CDX2: variants seen among roughly 807,000 people sequenced by gnomAD.
The protein encoded by CDX2 is homeobox protein CDX-2.
A neutral mutation model predicts 25.5 loss-of-function variants in CDX2; 7 were observed. The ratio of observed to expected loss-of-function variants is 0.27; its 90% CI spans 0.16 to 0.52. CDX2 has a LOEUF of 0.52. Ranked by LOEUF, CDX2 falls within the 20% of genes least tolerant of loss-of-function variation. The pLI, the probability that CDX2 is intolerant of heterozygous loss-of-function variation, is 0.97. For synonymous variants in CDX2, 222 were observed against 198.6 expected (o/e 1.12, Z -0.99); for missense variants, 375 against 431.4 (o/e 0.87, Z 1.16).
intron 1 of CDX2, among the ~76,000 whole-genome samples, chr13:27,967,529 C>G (rs1256992131): frequency 6.6e-6 from 1 of 152,222 alleles, no homozygotes; most frequent in Non-Finnish European, 1.5e-5. Flanking sequence ...CTCTCCCCAC[C>G]GCACTTCCTT....
chr13:27,969,071 G>A lies in CDX2; in HGVS notation c.-65C>T. 1.5e-6 allele frequency: 2 copies of A among 1,299,236 alleles called. No individual in the cohort carries two copies. Among genetic ancestry groups the A allele is most frequent in the East Asian group, 2.5e-5 (1 of 39,696 alleles). 80.5% of individuals were successfully genotyped at this position (1,299,236 alleles called of 1,614,324 possible). A position where few individuals can be genotyped will look rare whatever the true frequency, so the allele number is the denominator to read the frequency against. On this transcript the variant is annotated 5_prime_UTR_variant, in exon 1 of 3. Transcript: ENST00000381020. ...GGGGACCGACGCTGGAGGCTGCCGG[G>A]GGGCACGAAGGGAAAGGGGCGAGGG...
rs1566034473 is a variant in CDX2 at position 27,961,207 on chromosome 13, C to T, written c.*1908G>A. Among the ~76,000 whole-genome samples, 1 of 152,258 alleles carries T rather than the reference C, an allele frequency of 6.6e-6. No homozygotes were observed. The stretch of plus-strand genomic sequence containing the variant: ...GGCCACCGGAGCCCCTTTCCCAATC[C>T]TGGAGCTGTATACGCCACCCGGAAG... On this transcript the variant is annotated 3_prime_UTR_variant, in exon 3 of 3. Transcript: ENST00000381020.
intron 1 of CDX2, 117 bp from the exon 2 acceptor site, chr13:27,965,132 G>T: frequency 1.8e-6 from 2 of 1,136,114 alleles, no homozygotes; most frequent in Non-Finnish European, 1.3e-6. Context: ...TGGGGGGCCC[G>T]GGTTTGGCTG....
In CDX2 at chr13:27,968,506, C is replaced by T; in HGVS notation, c.501G>A (p.Glu167=). 6.4e-7 allele frequency: 1 copy of T among 1,564,958 alleles called. No homozygotes were observed. The highest frequency in any genetic ancestry group is 8.6e-7 in the Non-Finnish European group (1 of 1,166,910). The change falls in exon 1 of 3, where the codon GAG becomes GAA. Residue 167 remains glutamate (E), a synonymous_variant. Transcript: ENST00000381020. ...ACTGCTGCGCCGGCTTCCGCATCCA[C>T]TCGCACAGGTTCCGCCGCTGGCCGC... ...SPGGQRRNLC[E]WMRKPAQQSL... is the part of the protein sequence containing the mutation.
chr13:27,968,566 G>A lies in CDX2; in HGVS notation c.441C>T (p.Pro147=). Residue 147 remains proline (P), a synonymous_variant, in exon 1 of 3, where the codon CCC becomes CCT. Transcript: ENST00000381020. ...GCTGCTCGGCGGCAGCGGTGGCGGC[G>A]GGCCCAGGAGGGCCGGGGTTGAGCG... ...LQTLNPGPPG[P]AATAAAEQLS... 6.4e-7 allele frequency: 1 copy of A among 1,564,684 alleles called. No homozygotes were observed. Among genetic ancestry groups the A allele is most frequent in the Non-Finnish European group, 8.6e-7 (1 of 1,165,656 alleles).
At chr13:27,967,978 G>A (rs1869417732) in intron 1 of CDX2, among the ~76,000 whole-genome samples, 2 of 152,046 alleles carry the variant, frequency 1.3e-5, no homozygotes, top group South Asian at 4.1e-4. Context: ...GCCATCCTCC[G>A]ACCCCCCCAG....
chr13:27,964,969 G>T lies in CDX2; in HGVS notation c.588C>A (p.His196Gln). Residue 196 changes from histidine to glutamine, a missense_variant, in exon 2 of 3, where the codon CAC becomes CAA. Physicochemically the swap from His to Gln is conservative, Grantham distance 24. Coordinates refer to ENST00000381020, the MANE Select transcript of CDX2 (RefSeq NM_001265.6). This position sits in a 1 kb window ranked among gnomAD's most constrained non-coding sequence, Gnocchi z 4.7. Reference protein sequence around the residue: ...KDKYRVVYTDHQRLELEKEFH... With the variant: ...KDKYRVVYTDQQRLELEKEFH... ...ACTCCTTCTCCAGCTCCAGCCGCTGGTGGTCCGTGTACACCACTCGATATT... is the reference window on the plus strand; with the variant it reads ...ACTCCTTCTCCAGCTCCAGCCGCTGTTGGTCCGTGTACACCACTCGATATT... 6.2e-7 allele frequency: 1 copy of T among 1,614,160 alleles called. No individual in the cohort carries two copies.
Position 27,962,965 on chromosome 13 carries a change from A to G in CDX2, c.*150T>C. The G allele has an allele frequency of 1.0e-6, 1 of 965,414 alleles. No individual in the cohort carries two copies. The highest frequency in any genetic ancestry group is 1.4e-6 in the Non-Finnish European group (1 of 706,410). 59.8% of individuals were successfully genotyped at this position (965,414 alleles called of 1,614,324 possible). On this transcript the variant is annotated 3_prime_UTR_variant, in exon 3 of 3. Coordinates refer to ENST00000381020, the MANE Select transcript of CDX2 (RefSeq NM_001265.6). ...TGAGGCCCCAAATCCCACTTGTCTTACTCCTGGCTCCCATTTTTCCTCTGA... is the reference window on the plus strand; with the variant it reads ...TGAGGCCCCAAATCCCACTTGTCTTGCTCCTGGCTCCCATTTTTCCTCTGA...
chr13:27,962,290 CA>C lies in CDX2; in HGVS notation c.*824del, dbSNP rs1869085726. ...TTGGATGTTACACAGACCAACAACCCAAACAGCAGCAACAACAACACAAACT... is the reference window on the plus strand; with the variant it reads ...TTGGATGTTACACAGACCAACAACCCAACAGCAGCAACAACAACACAAACT... On this transcript the variant is annotated 3_prime_UTR_variant, in exon 3 of 3. Coordinates refer to ENST00000381020, the MANE Select transcript of CDX2 (RefSeq NM_001265.6). The C allele has an allele frequency of 4.3e-6, 1 of 231,618 alleles. No homozygotes were observed. Among genetic ancestry groups the C allele is most frequent in the East Asian group, 6.1e-5 (1 of 16,378 alleles). The allele number at this position is 231,618 out of a possible 1,614,324, so 14.3% of individuals were successfully genotyped here. A position where few individuals can be genotyped will look rare whatever the true frequency, so the allele number is the denominator to read the frequency against.
intron 1 of CDX2, 110 bp downstream of exon 1, chr13:27,968,356 C>T: frequency 7.7e-7 from 1 of 1,296,496 alleles, no homozygotes; most frequent in Non-Finnish European, 9.9e-7. Context: ...CGCCGAGCTC[C>T]CAGACAGCCC....
In CDX2 at chr13:27,964,539, G is replaced by A. The variant is rs185116352; in HGVS notation, c.687+331C>T. Among the ~76,000 whole-genome samples the A allele has an allele frequency of 1.5e-3, 222 of 152,026 alleles. No homozygotes were observed. Among genetic ancestry groups the A allele is most frequent in the East Asian group, 0.011 (56 of 5,146 alleles). ...TGGGTAAGACAGTGAGACCATCTCT[G>A]CAAAAAATTTAAACATTAGCCAGTC... On this transcript the variant is annotated intron_variant, in intron 2 of 2. Transcript: ENST00000381020. The surrounding 1 kb of genome is among the most constrained non-coding windows in gnomAD (Gnocchi z 4.7).
chr13:27,966,089 C>A (rs1869306733), intron 1 of CDX2, among the ~76,000 whole-genome samples: 1 of 152,256 alleles, frequency 6.6e-6, no homozygotes, highest in Non-Finnish European at 1.5e-5. Flanking sequence ...TCAGAGGGAG[C>A]TCCCCCGAGC....
Position 27,963,498 on chromosome 13 carries a change from C to T in CDX2, c.688-129G>A, listed in dbSNP as rs539386837. 75 of 774,466 alleles carry T rather than the reference C, an allele frequency of 9.7e-5. No homozygotes were observed. In the African/African-American group the frequency reaches 1.2e-3, roughly 12 times the overall value. The allele number at this position is 774,466 out of a possible 1,614,324, so 48.0% of individuals were successfully genotyped here. ...ACTCCAAGTCCTTCTAGAAGCTTTC[C>T]TCGGGCATCCCCATAACAGCCCAAC... On this transcript the variant is annotated intron_variant, in intron 2 of 2. Transcript: ENST00000381020.
At chr13:27,965,341 C>G (rs1483765754) in intron 1 of CDX2, among the ~76,000 whole-genome samples, 1 of 152,116 alleles carries the variant, frequency 6.6e-6, no homozygotes, top group Admixed American at 6.5e-5. Flanking sequence ...TATTTGACAC[C>G]AAGGGAAAGG....
intron 1 of CDX2, among the ~76,000 whole-genome samples, chr13:27,965,660 T>C (rs1372307051): frequency 6.6e-6 from 1 of 152,196 alleles, no homozygotes; most frequent in Non-Finnish European, 1.5e-5. Flanking sequence ...GTTTGGTACT[T>C]TTTCTTTTTT....
In CDX2 at chr13:27,963,035, T is replaced by C. The variant is rs1333145704; in HGVS notation, c.*80A>G. 9 of 1,463,626 alleles carry C rather than the reference T, an allele frequency of 6.1e-6. No homozygotes were observed. The highest frequency in any genetic ancestry group is 8.2e-6 in the Non-Finnish European group (9 of 1,104,066). 90.7% of individuals were successfully genotyped at this position (1,463,626 alleles called of 1,614,324 possible). The stretch of plus-strand genomic sequence containing the variant: ...ATGGCTGTGGGTGGGAGGGGAGGGG[T>C]CTCTCCTGAGGAGTCTAGCAGAGTC... On this transcript the variant is annotated 3_prime_UTR_variant, in exon 3 of 3. Transcript: ENST00000381020.
chr13:27,966,316 T>A (rs1473054307), intron 1 of CDX2, among the ~76,000 whole-genome samples: 3 of 152,174 alleles, frequency 2.0e-5, no homozygotes, highest in Admixed American at 6.5e-5. Flanking sequence ...ACCCCGCGCC[T>A]GCTATGAAAG....
Position 27,969,113 on chromosome 13 carries a change from G to C in CDX2, c.-107C>G. On this transcript the variant is annotated 5_prime_UTR_variant, in exon 1 of 3. Transcript: ENST00000381020. The stretch of plus-strand genomic sequence containing the variant: ...GGGCGAGGGGACTCGAGGAGCGGCG[G>C]GTGGCTGCGCCCCAGCCCGCGGTGC... 3 of 816,204 alleles carry C rather than the reference G, an allele frequency of 3.7e-6. No individual in the cohort carries two copies. The highest frequency in any genetic ancestry group is 5.6e-6 in the Non-Finnish European group (3 of 540,242). 50.6% of individuals were successfully genotyped at this position (816,204 alleles called of 1,614,324 possible). A position where few individuals can be genotyped will look rare whatever the true frequency, so the allele number is the denominator to read the frequency against.
Position 27,969,249 on chromosome 13 carries a change from T to G in CDX2, c.-243A>C. ...TCCTCCCACCTCCTTCCCACTAGGCTGCAGAGGCGGGGAAGACCCGCCACA... is the reference window on the plus strand; with the variant it reads ...TCCTCCCACCTCCTTCCCACTAGGCGGCAGAGGCGGGGAAGACCCGCCACA... On this transcript the variant is annotated 5_prime_UTR_variant, in exon 1 of 3. Coordinates refer to ENST00000381020, the MANE Select transcript of CDX2 (RefSeq NM_001265.6). The G allele has an allele frequency of 3.9e-6, 2 of 518,868 alleles. No homozygotes were observed. Among genetic ancestry groups the G allele is most frequent in the Non-Finnish European group, 6.8e-6 (2 of 295,152 alleles). The allele number at this position is 518,868 out of a possible 1,614,324, so 32.1% of individuals were successfully genotyped here.
Sources: allele counts gnomAD v4.1 joint callset (sites outside exome capture counted in the v4.1 genomes callset), GRCh38; gene constraint gnomAD v4.1.1; non-coding constraint Gnocchi (gnomAD v3.1); transcripts MANE v1.5; gene names NCBI Gene and HGNC (gene_info 2026-07-23, HGNC 2026-07-21).